IFT122: variants seen among roughly 807,000 people sequenced by gnomAD.
IFT122 encodes intraflagellar transport protein 122 homolog.
Under a neutral mutation model 161.6 loss-of-function variants are expected in IFT122, and 118 were observed. The observed-to-expected ratio is 0.73, with a 90% CI of 0.63 to 0.85. The LOEUF (loss-of-function observed/expected upper bound fraction) is 0.85, where lower values mean the gene tolerates loss of function less well. Among genes scored for constraint, IFT122 ranks in the 40% least tolerant of loss-of-function variants. The probability of loss-of-function intolerance (pLI) is 0.00; values close to 1 mark genes in which losing one functional copy is unlikely to be tolerated. For missense variants in IFT122, 1,381 were observed against 1,579.6 expected (o/e 0.87, Z 2.13); for synonymous variants, 550 against 602.4 (o/e 0.91, Z 1.27).
At chr3:129,467,151 G>A in intron 8 of IFT122, 85 bp downstream of exon 8, 1 of 1,329,460 alleles carries the variant, frequency 7.5e-7, no homozygotes, top group East Asian at 2.4e-5. Context: ...TAAACTCTTT[G>A]GCCAAGGGAG....
intron 28 of IFT122, among the ~76,000 whole-genome samples, 155 bp downstream of exon 28, chr3:129,519,341 G>C (rs2108731174): frequency 6.6e-6 from 1 of 152,346 alleles, no homozygotes; most frequent in East Asian, 1.9e-4. Flanking sequence ...TTCCTGTGGG[G>C]TGTGGGAGCC....
rs1315983672 is a variant in IFT122, at chr3:129,502,758, T to C, written c.2423T>C (p.Leu808Pro). Residue 808 changes from leucine to proline, a missense_variant, in exon 20 of 30, where the codon CTG becomes CCG. Physicochemically the swap from Leu to Pro is moderately conservative, Grantham distance 98 (BLOSUM62 -3). Transcript: ENST00000348417. ...CTGGACAAGGCTGAGCGCGAGCCCC[T>C]GCTGCTGTGCGCTACCTACCTCAAG... Reference protein sequence around the residue: ...RKLDKAEREPLLLCATYLKKL... With the variant: ...RKLDKAEREPPLLCATYLKKL... The C allele has an allele frequency of 3.7e-6, 6 of 1,611,960 alleles. No individual in the cohort carries two copies. The highest frequency in any genetic ancestry group is 5.1e-6 in the Non-Finnish European group (6 of 1,180,036).
At chr3:129,492,931 A>G (rs1436938552) in intron 17 of IFT122, among the ~76,000 whole-genome samples, 1 of 144,230 alleles carries the variant, frequency 6.9e-6, no homozygotes, top group African/African-American at 2.6e-5. Context: ...TGATCCTCCC[A>G]CCTAGCCTCC....
At chr3:129,485,351 A>C (rs1338480875) in intron 15 of IFT122, among the ~76,000 whole-genome samples, 1 of 152,148 alleles carries the variant, frequency 6.6e-6, no homozygotes, top group Non-Finnish European at 1.5e-5. Context: ...AGTTGATGAT[A>C]CCCTCGAAAC....
At chr3:129,473,419 C>T (rs1334801158) in intron 9 of IFT122, among the ~76,000 whole-genome samples, 1 of 152,132 alleles carries the variant, frequency 6.6e-6, no homozygotes, top group Non-Finnish European at 1.5e-5. Context: ...TTGAATTGTA[C>T]TCAATATTGT....
rs766429633 is a variant in IFT122 at position 129,519,632 on chromosome 3, G to C, written c.3536G>C (p.Arg1179Pro). ...CTGGTGCTGCGCTCCATGAGCCGCC[G>C]GGATGTCCTCATCAAGCGATGGCCC... ...SRLVLRSMSR[R>P]DVLIKRWPPP... is the part of the protein sequence containing the mutation. The change falls in exon 29 of 30, where the codon CGG (arginine) becomes CCG (proline). Residue 1179 changes from arginine to proline, a missense_variant. By Grantham distance (103) the Arg-to-Pro change is moderately radical. Transcript: ENST00000348417. 6.2e-7 allele frequency: 1 copy of C among 1,613,604 alleles called. No individual in the cohort carries two copies. The highest frequency in any genetic ancestry group is 8.5e-7 in the Non-Finnish European group (1 of 1,180,018).
At chr3:129,464,603 A>G in intron 6 of IFT122, 32 bp from the exon 7 acceptor site, 2 of 1,614,020 alleles carry the variant, frequency 1.2e-6, no homozygotes, top group Non-Finnish European at 1.7e-6. Flanking sequence ...TGCTTCCCCT[A>G]TCCCCATGCC....
At chr3:129,446,343 T>C (rs1221267865) in intron 1 of IFT122, among the ~76,000 whole-genome samples, 1 of 151,776 alleles carries the variant, frequency 6.6e-6, no homozygotes, top group African/African-American at 2.4e-5. Flanking sequence ...TCCTGCCTCA[T>C]CCTCCCGTGT....
intron 4 of IFT122, 88 bp downstream of exon 4, chr3:129,458,765 C>T (rs955757483): frequency 1.0e-6 from 1 of 991,512 alleles, no homozygotes; most frequent in Admixed American, 1.8e-5. Flanking sequence ...TAGGAGAAAA[C>T]TTTTTTCTCT....
In IFT122 at chr3:129,507,687, A is replaced by G. The variant is rs1300906613; in HGVS notation, c.2811A>G (p.Thr937=). Residue 937 remains threonine (T), a synonymous_variant, in exon 23 of 30, where the codon ACA becomes ACG. Coordinates refer to ENST00000348417, the MANE Select transcript of IFT122 (RefSeq NM_052989.3). ...DIAQDPAQKD[T]MLGKFYHFQR... is the part of the protein sequence containing the mutation. ...CAGCAGATCCTGCCCAGAAGGACAC[A>G]ATGCTTGGCAAGTTCTACCACTTCC... 6.2e-7 allele frequency: 1 copy of G among 1,614,104 alleles called. No individual in the cohort carries two copies. The highest frequency in any genetic ancestry group is 8.5e-7 in the Non-Finnish European group (1 of 1,179,980).
intron 27 of IFT122, among the ~76,000 whole-genome samples, chr3:129,518,107 G>A (rs2084232230): frequency 6.6e-6 from 1 of 152,244 alleles, no homozygotes; most frequent in Non-Finnish European, 1.5e-5. Context: ...TGGCCGCACT[G>A]TCCTCTGGGC....
At position 129,514,571 on chromosome 3, in the gene IFT122, C is replaced by A. The variant is rs772671195; in HGVS notation, c.3153+17C>A. 1.2e-5 allele frequency: 20 copies of A among 1,614,104 alleles called. No homozygotes were observed. Among genetic ancestry groups the A allele is most frequent in the Middle Eastern group, 3.3e-4 (2 of 6,062 alleles). ...GACAGTGAGGTGAGGATGCAGCACCCTTGGGCAGGTGGCTTCTCCTCTCCC... is the reference window on the plus strand; with the variant it reads ...GACAGTGAGGTGAGGATGCAGCACCATTGGGCAGGTGGCTTCTCCTCTCCC... On this transcript the variant is annotated intron_variant, in intron 25 of 29. Coordinates refer to ENST00000348417, the MANE Select transcript of IFT122 (RefSeq NM_052989.3).
intron 9 of IFT122, among the ~76,000 whole-genome samples, chr3:129,471,961 TATC>T (rs1054513836): frequency 5.9e-5 from 9 of 152,198 alleles, no homozygotes; most frequent in Admixed American, 1.3e-4. Context: ...TAAATACTGT[TATC>T]ATCACCATTT....
intron 3 of IFT122, among the ~76,000 whole-genome samples, chr3:129,455,414 G>A (rs1038704655): frequency 7.9e-5 from 12 of 151,884 alleles, no homozygotes; most frequent in African/African-American, 2.9e-4. Context: ...CTCGTGATCC[G>A]CCCACCTCGG....
chr3:129,444,528 C>CT lies in IFT122; in HGVS notation c.41+4169dup, dbSNP rs1049568059. ...AAATAAGATAATGTAAGTTTACACT[C>CT]TTTTTTTTTTTTGAGACAGAGTCTC... On this transcript the variant is annotated intron_variant, in intron 1 of 29. Transcript: ENST00000348417. Among the ~76,000 whole-genome samples, 536 of 147,006 alleles carry CT rather than the reference C, an allele frequency of 3.6e-3. 1 individual carries two copies. Among genetic ancestry groups the CT allele is most frequent in the South Asian group, 6.2e-3 (29 of 4,678 alleles).
chr3:129,476,192 C>A, intron 9 of IFT122, 123 bp from the exon 10 acceptor site: 2 of 1,013,284 alleles, frequency 2.0e-6, no homozygotes, highest in East Asian at 2.6e-5. Flanking sequence ...GGAGAAAAGG[C>A]TGGCCAGCTC....
At chr3:129,500,547 A>G (rs1203304599) in intron 19 of IFT122, among the ~76,000 whole-genome samples, 3 of 152,368 alleles carry the variant, frequency 2.0e-5, no homozygotes, top group East Asian at 1.9e-4. Context: ...AACAAAAACA[A>G]AACAAGTTCC....
chr3:129,474,378 C>T (rs539528474), intron 9 of IFT122, among the ~76,000 whole-genome samples: 3 of 152,270 alleles, frequency 2.0e-5, no homozygotes, highest in East Asian at 3.9e-4. Context: ...AATCACAAAT[C>T]GTCTTTTTAT....
chr3:129,515,833 C>T (rs922871192), intron 26 of IFT122, among the ~76,000 whole-genome samples: 12 of 152,122 alleles, frequency 7.9e-5, no homozygotes, highest in South Asian at 2.1e-4. Flanking sequence ...GGGAACCTGG[C>T]GCAGGGCTTT....
Sources: gnomAD v4.1 joint callset for allele counts (sites outside exome capture counted in the v4.1 genomes callset) on GRCh38, gnomAD v4.1.1 for gene constraint, MANE v1.5 for transcripts, NCBI Gene and HGNC (gene_info 2026-07-23, HGNC 2026-07-21) for gene names.